Variants in SAXO1 observed in about 807,000 individuals in gnomAD.
SAXO1 encodes the protein 4930500O09Rik.
In SAXO1, 21 loss-of-function variants were observed where a neutral mutation model predicts 17.5. That is an observed-to-expected ratio of 1.20 (90% CI 0.85 to 1.72). The LOEUF is 1.72. SAXO1 is among the 40% of genes most tolerant of loss of function. The pLI is 0.00. For synonymous variants in SAXO1, 274 were observed against 216.5 expected (o/e 1.27, Z -2.33); for missense variants, 843 against 596.0 (o/e 1.41, Z -4.32).
intron 1 of SAXO1, among the ~76,000 whole-genome samples, chr9:19,041,230 G>A (rs1836071828): frequency 6.8e-6 from 1 of 146,190 alleles, no homozygotes; most frequent in African/African-American, 2.5e-5. Context: ...TAAGAATTTA[G>A]TTAACCATGG....
chr9:18,944,409 T>C (rs903030582), intron 2 of SAXO1, among the ~76,000 whole-genome samples: 1 of 152,218 alleles, frequency 6.6e-6, no homozygotes, highest in Admixed American at 6.5e-5. Flanking sequence ...TCACACATAA[T>C]CTTACAGCCT....
intron 1 of SAXO1, among the ~76,000 whole-genome samples, chr9:18,957,713 A>C (rs1055321012): frequency 6.6e-6 from 1 of 152,140 alleles, no homozygotes; most frequent in Non-Finnish European, 1.5e-5. Context: ...GGAATAGCGA[A>C]AACTCTGGAT....
chr9:18,961,704 A>G (rs1389054385), intron 1 of SAXO1, among the ~76,000 whole-genome samples: 1 of 152,196 alleles, frequency 6.6e-6, no homozygotes, highest in Non-Finnish European at 1.5e-5. Context: ...TCCATGGTGT[A>G]TATGTGCCAC....
chr9:19,036,762 G>C (rs942363734), upstream of SAXO1, among the ~76,000 whole-genome samples: 1 of 152,168 alleles, frequency 6.6e-6, no homozygotes, highest in Non-Finnish European at 1.5e-5. Flanking sequence ...CCTCTGCTAG[G>C]GCAATGTGAA....
At chr9:19,019,151 T>C (rs575331882) in intron 1 of SAXO1, among the ~76,000 whole-genome samples, 66 of 152,018 alleles carry the variant, frequency 4.3e-4, no homozygotes, top group African/African-American at 1.6e-3. Flanking sequence ...ATTTTCTTGG[T>C]TTTTCAAGTG....
At chr9:19,023,384 T>C (rs1328739630) in intron 1 of SAXO1, among the ~76,000 whole-genome samples, 1 of 152,178 alleles carries the variant, frequency 6.6e-6, no homozygotes, top group Non-Finnish European at 1.5e-5. Flanking sequence ...GCACGCATTG[T>C]TCTACTTGCT....
chr9:18,947,491 T>A (rs553538406), intron 2 of SAXO1, among the ~76,000 whole-genome samples: 34 of 152,310 alleles, frequency 2.2e-4, no homozygotes, highest in African/African-American at 7.9e-4. Flanking sequence ...CATTCCACTC[T>A]ACCCATGGTC....
intron 1 of SAXO1, among the ~76,000 whole-genome samples, chr9:18,956,434 C>T (rs1476651916): frequency 6.6e-6 from 1 of 152,154 alleles, no homozygotes; most frequent in Non-Finnish European, 1.5e-5. Flanking sequence ...AGGACAGCAT[C>T]TTGTAGGATA....
chr9:19,029,659 C>T (rs1218153497), intron 1 of SAXO1, among the ~76,000 whole-genome samples: 2 of 152,128 alleles, frequency 1.3e-5, no homozygotes, highest in African/African-American at 4.8e-5. Flanking sequence ...CAGAACTTTC[C>T]GCAGTGATGG....
chr9:19,010,111 G>A (rs957389128), intron 1 of SAXO1, among the ~76,000 whole-genome samples: 2 of 151,208 alleles, frequency 1.3e-5, no homozygotes, highest in Non-Finnish European at 2.9e-5. Context: ...TTTCAGGCGT[G>A]AGCCACTTTG....
At chr9:18,968,270 C>G (rs1832807686) in intron 1 of SAXO1, among the ~76,000 whole-genome samples, 1 of 152,192 alleles carries the variant, frequency 6.6e-6, no homozygotes, top group Non-Finnish European at 1.5e-5. Flanking sequence ...GTCTCGAACT[C>G]TTGGGCTCAA....
At chr9:19,000,118 C>A (rs1834193434) in intron 1 of SAXO1, among the ~76,000 whole-genome samples, 1 of 151,208 alleles carries the variant, frequency 6.6e-6, no homozygotes, top group African/African-American at 2.4e-5. Context: ...TGAGGAGCAC[C>A]TCTGTCCGGC....
At chr9:18,935,391 T>C (rs1414090610) in intron 3 of SAXO1, among the ~76,000 whole-genome samples, 1 of 152,170 alleles carries the variant, frequency 6.6e-6, no homozygotes, top group Non-Finnish European at 1.5e-5. Flanking sequence ...TTTTACTTCC[T>C]ATTGGGCTTT....
chr9:18,993,231 G>A (rs1007313047), intron 1 of SAXO1, among the ~76,000 whole-genome samples: 3 of 151,338 alleles, frequency 2.0e-5, no homozygotes, highest in East Asian at 1.9e-4. Context: ...TTTAAGCCCC[G>A]CATGCATTAG....
chr9:18,988,914 A>G (rs927719505), intron 1 of SAXO1, among the ~76,000 whole-genome samples: 1 of 152,210 alleles, frequency 6.6e-6, no homozygotes, highest in African/African-American at 2.4e-5. Flanking sequence ...ACCTGAGCAT[A>G]GTTTGTGAAA....
At chr9:18,969,358 T>C (rs1832859562) in intron 1 of SAXO1, among the ~76,000 whole-genome samples, 1 of 152,156 alleles carries the variant, frequency 6.6e-6, no homozygotes, top group African/African-American at 2.4e-5. Flanking sequence ...GGAGTTTCAC[T>C]CTCTTCACAA....
chr9:18,941,929 G>A (rs1831582239), intron 2 of SAXO1, 90 bp from the exon 3 acceptor site: 2 of 1,254,542 alleles, frequency 1.6e-6, no homozygotes, highest in East Asian at 2.3e-5. Flanking sequence ...AACATTTGCT[G>A]AGAAGTCCTG....
chr9:18,987,086 T>C (rs1160389374), intron 1 of SAXO1, among the ~76,000 whole-genome samples: 1 of 152,200 alleles, frequency 6.6e-6, no homozygotes, highest in African/African-American at 2.4e-5. Flanking sequence ...AAGCACTCCA[T>C]GAATGTTTAT....
At chr9:19,009,473 A>G (rs187979521) in intron 1 of SAXO1, among the ~76,000 whole-genome samples, 116 of 152,346 alleles carry the variant, frequency 7.6e-4, no homozygotes, top group Admixed American at 1.6e-3. Flanking sequence ...GAAGCCCCCA[A>G]GTTATAAGAC....
Sources: gnomAD v4.1 joint callset for allele counts (sites outside exome capture counted in the v4.1 genomes callset) on GRCh38, gnomAD v4.1.1 for gene constraint, MANE v1.5 for transcripts, NCBI Gene and HGNC (gene_info 2026-07-23, HGNC 2026-07-21) for gene names.